The following PLCD4 variants were observed in gnomAD, a reference collection of about 807,000 sequenced individuals.
PLCD4 encodes 1-phosphatidylinositol 4,5-bisphosphate phosphodiesterase delta-4.
In PLCD4, 63 loss-of-function variants were observed where a neutral mutation model predicts 90.2. The observed-to-expected ratio is 0.70, with a 90% CI of 0.57 to 0.86. The LOEUF (loss-of-function observed/expected upper bound fraction) is 0.86, where lower values mean the gene tolerates loss of function less well. PLCD4 is among the 40% of genes least tolerant of loss of function. The probability of loss-of-function intolerance (pLI) is 0.00; values close to 1 mark genes in which losing one functional copy is unlikely to be tolerated. For synonymous variants in PLCD4, 294 were observed against 356.5 expected, an observed-to-expected ratio of 0.82 and a Z score of 1.97; for missense variants, 830 against 956.3, an observed-to-expected ratio of 0.87 and a Z score of 1.74.
At chr2:218,612,633 G>A (rs745476640) in intron 1 of PLCD4, among the ~76,000 whole-genome samples, 16 of 152,234 alleles carry the variant, frequency 1.1e-4, no homozygotes, top group Non-Finnish European at 1.6e-4. Context: ...TTAGCCAGGC[G>A]TGGTGGCTCA....
rs1575043078 is a variant in PLCD4, at chr2:218,634,387, T to C, written c.1724-71T>C. The stretch of plus-strand genomic sequence containing the variant: ...ACCGTGCACCCAGTACCTATCTTCT[T>C]AACTCCCTGAAAGAGGGGCTGGAAG... On this transcript the variant is annotated intron_variant, in intron 12 of 15. Transcript: ENST00000450993. The surrounding 1 kb of genome is among the most constrained non-coding windows in gnomAD (Gnocchi z 4.0). 1 of 1,577,004 alleles carries C rather than the reference T, an allele frequency of 6.3e-7. No individual in the cohort carries two copies. The highest frequency in any genetic ancestry group is 8.6e-7 in the Non-Finnish European group (1 of 1,160,216).
chr2:218,617,919 A>T (rs1209808807), intron 3 of PLCD4, among the ~76,000 whole-genome samples: 1 of 151,672 alleles, frequency 6.6e-6, no homozygotes, highest in Non-Finnish European at 1.5e-5. Context: ...CCCCATCCCT[A>T]CTAAAAAAAT....
In PLCD4 at chr2:218,636,549, A is replaced by T. The variant is rs1696767110; in HGVS notation, c.2261A>T (p.Gln754Leu). The T allele has an allele frequency of 6.2e-7, 1 of 1,613,990 alleles. No homozygotes were observed. Among genetic ancestry groups the T allele is most frequent in the Non-Finnish European group, 8.5e-7 (1 of 1,179,888 alleles). ...TCCATCTTTGTGTATATCTGCATCC[A>T]GGAAGGCCTGGAGGGGGATGAGTCC... ...PASIFVYICIQEGLEGDES is the reference protein window; with the variant it reads ...PASIFVYICILEGLEGDES Residue 754 changes from glutamine (Q) to leucine (L), a missense_variant, in exon 16 of 16, where the codon CAG becomes CTG. Physicochemically the swap from Gln to Leu is moderately radical, Grantham distance 113. Transcript: ENST00000450993.
chr2:218,608,702 T>C (rs1429833371), intron 1 of PLCD4, among the ~76,000 whole-genome samples: 1 of 152,140 alleles, frequency 6.6e-6, no homozygotes, highest in East Asian at 1.9e-4. Context: ...GTGTACCAAG[T>C]GTACTTGTTA....
At chr2:218,618,929 T>A in intron 4 of PLCD4, 122 bp downstream of exon 4, 1 of 893,474 alleles carries the variant, frequency 1.1e-6, no homozygotes, top group Non-Finnish European at 1.7e-6. Context: ...AGGGTCCAGA[T>A]GGTATGGGCA....
At chr2:218,624,317 C>G (rs1358705540) in intron 6 of PLCD4, among the ~76,000 whole-genome samples, 1 of 152,158 alleles carries the variant, frequency 6.6e-6, no homozygotes, top group Non-Finnish European at 1.5e-5. Context: ...TGCTAGGCAC[C>G]AGACATACAT....
chr2:218,633,467 C>T (rs1559276950), intron 10 of PLCD4, 138 bp from the exon 11 acceptor site: 2 of 1,038,476 alleles, frequency 1.9e-6, no homozygotes, highest in South Asian at 1.3e-5. Context: ...TGAGTCCCTT[C>T]TCTTGTCCCG....
At chr2:218,624,148 T>C (rs1696003170) in intron 6 of PLCD4, among the ~76,000 whole-genome samples, 1 of 152,224 alleles carries the variant, frequency 6.6e-6, no homozygotes, top group Admixed American at 6.5e-5. Flanking sequence ...TGACTCTTAG[T>C]TGGTGCCTCT....
chr2:218,611,115 C>T (rs1243180979), intron 1 of PLCD4, among the ~76,000 whole-genome samples: 3 of 152,110 alleles, frequency 2.0e-5, no homozygotes, highest in Non-Finnish European at 4.4e-5. Context: ...TTCTAGTCCT[C>T]GGGCTCCTTT....
chr2:218,636,400 A>G lies in PLCD4; in HGVS notation c.2182+8A>G, dbSNP rs766937615. ...GGACCTGCATGCAACAAGGTGAGCC[A>G]GCCCCTTTGGCCCCTGGCCAATACC... is the stretch of plus-strand genomic sequence containing the variant. On this transcript the variant is annotated splice_region_variant and intron_variant, in intron 15 of 15. Coordinates refer to ENST00000450993, the MANE Select transcript of PLCD4 (RefSeq NM_032726.4). The G allele has an allele frequency of 1.2e-6, 2 of 1,613,916 alleles. No homozygotes were observed. Among genetic ancestry groups the G allele is most frequent in the South Asian group, 2.2e-5 (2 of 91,080 alleles).
chr2:218,610,975 A>G (rs1013481987), intron 1 of PLCD4, among the ~76,000 whole-genome samples: 14 of 152,266 alleles, frequency 9.2e-5, no homozygotes, highest in African/African-American at 3.1e-4. Flanking sequence ...TGATCTGCCC[A>G]TCTCAGCCCC....
At position 218,636,304 on chromosome 2, in the gene PLCD4, G is replaced by A. The variant is rs1366051044; in HGVS notation, c.2094G>A (p.Met698Ile). 6.2e-7 allele frequency: 1 copy of A among 1,614,050 alleles called. No homozygotes were observed. Among genetic ancestry groups the A allele is most frequent in the Admixed American group, 1.7e-5 (1 of 60,030 alleles). ...GGGTGCTGGTGCCTGAACTTGCCAT[G>A]CTGCGTTTTGTGGTAATGGATTATG... ...CFRVLVPELA[M>I]LRFVVMDYDW... is the part of the protein sequence containing the mutation. Residue 698 changes from methionine (M) to isoleucine (I), a missense_variant, in exon 15 of 16, where the codon ATG becomes ATA. Met to Ile is a conservative substitution (Grantham distance 10, BLOSUM62 1). Transcript: ENST00000450993.
At chr2:218,635,463 C>T (rs541118470) in intron 13 of PLCD4, among the ~76,000 whole-genome samples, 14 of 152,172 alleles carry the variant, frequency 9.2e-5, no homozygotes, top group Admixed American at 2.6e-4. Context: ...CTGAGCCTTC[C>T]GAGTAGCTGG....
chr2:218,624,538 G>A (rs949099787), intron 6 of PLCD4, among the ~76,000 whole-genome samples: 2 of 151,884 alleles, frequency 1.3e-5, no homozygotes, highest in Non-Finnish European at 2.9e-5. Flanking sequence ...GGCCAACATG[G>A]TAAAACTCTG....
Position 218,630,770 on chromosome 2 carries a change from G to A in PLCD4, c.1240G>A (p.Gly414Arg). 1 of 1,613,826 alleles carries A rather than the reference G, an allele frequency of 6.2e-7. No homozygotes were observed. Among genetic ancestry groups the A allele is most frequent in the East Asian group, 2.2e-5 (1 of 44,874 alleles). ...GCAGCTGCTGAGCACCACCTTGGAT[G>A]GGGTGCTGCCCACTCAGCTGCCCTC... ...GEQLLSTTLD[G>R]VLPTQLPSPE... The change falls in exon 9 of 16, where the codon GGG (glycine) becomes AGG (arginine). Residue 414 changes from glycine to arginine, a missense_variant. Gly to Arg is a moderately radical substitution (Grantham distance 125). Transcript: ENST00000450993.
At chr2:218,613,135 A>C (rs1167399679) in intron 1 of PLCD4, among the ~76,000 whole-genome samples, 1 of 152,138 alleles carries the variant, frequency 6.6e-6, no homozygotes, top group Non-Finnish European at 1.5e-5. Flanking sequence ...TCATGCCTGT[A>C]ATCCCGGCAC....
intron 6 of PLCD4, among the ~76,000 whole-genome samples, chr2:218,623,844 G>A (rs1219168796): frequency 3.3e-5 from 5 of 152,086 alleles, no homozygotes; most frequent in East Asian, 1.9e-4. Context: ...CACCACGCCC[G>A]GCTAATTTTG....
intron 4 of PLCD4, among the ~76,000 whole-genome samples, chr2:218,621,128 C>T (rs911581298): frequency 6.6e-6 from 1 of 152,130 alleles, no homozygotes. Flanking sequence ...GATGGGATTT[C>T]ACCATGTTGG....
chr2:218,630,261 T>C (rs1028597165), intron 8 of PLCD4, among the ~76,000 whole-genome samples: 5 of 152,164 alleles, frequency 3.3e-5, no homozygotes, highest in African/African-American at 9.7e-5. Flanking sequence ...AACACAGAGA[T>C]AGTGGTGAGT....
Sources: allele counts gnomAD v4.1 joint callset (sites outside exome capture counted in the v4.1 genomes callset), GRCh38; gene constraint gnomAD v4.1.1; non-coding constraint Gnocchi (gnomAD v3.1); transcripts MANE v1.5; gene names NCBI Gene and HGNC (gene_info 2026-07-23, HGNC 2026-07-21).